The following CAPN2 variants were observed in gnomAD, a reference collection of about 807,000 sequenced individuals.
CAPN2 encodes calpain-2 catalytic subunit.
CAPN2 carries 92 observed loss-of-function variants against 102.3 expected under a neutral mutation model. The observed-to-expected ratio is 0.90, with a 90% confidence interval of 0.76 to 1.07. The LOEUF (loss-of-function observed/expected upper bound fraction) is 1.07. CAPN2 is among the 50% of genes least tolerant of loss of function. CAPN2 has a pLI of 0.00. For missense variants in CAPN2, 800 were observed against 909.4 expected (o/e 0.88, Z 1.55); for synonymous variants, 340 against 355.4 (o/e 0.96, Z 0.49).
intron 1 of CAPN2, among the ~76,000 whole-genome samples, chr1:223,702,619 T>C (rs1026544609): frequency 3.3e-5 from 5 of 152,114 alleles, no homozygotes; most frequent in Non-Finnish European, 7.3e-5. Flanking sequence ...CCTCTGTATA[T>C]ACATCAAGAA....
At chr1:223,710,225 G>A (rs58110107), upstream of CAPN2, among the ~76,000 whole-genome samples, 5,331 of 152,134 alleles carry the variant, frequency 0.035, 312 homozygotes, top group African/African-American at 0.12. Flanking sequence ...GCAGTTAGCT[G>A]AGATCGTCAA....
Position 223,771,797 on chromosome 1 carries a change from A to C in CAPN2, c.1904-12A>C. 2 of 1,552,782 alleles carry C rather than the reference A, an allele frequency of 1.3e-6. No individual in the cohort carries two copies. ...TGCTTAGCAATGAGTTTGTTTGTTC[A>C]TGTAACTTCAGGTTTCAAGATGCCC... On this transcript the variant is annotated splice_polypyrimidine_tract_variant and intron_variant, in intron 18 of 20. Coordinates refer to ENST00000295006, the MANE Select transcript of CAPN2 (RefSeq NM_001748.5).
At chr1:223,761,482 C>A (rs1440193011) in intron 12 of CAPN2, 99 bp from the exon 13 acceptor site, 3 of 919,918 alleles carry the variant, frequency 3.3e-6, no homozygotes, top group Non-Finnish European at 5.2e-6. Flanking sequence ...CCACCTACCC[C>A]CTGCTGGATT....
In CAPN2 at chr1:223,764,134, G is replaced by T. The variant is rs1258891077; in HGVS notation, c.1633-16G>T. 6.2e-7 allele frequency: 1 copy of T among 1,611,058 alleles called. No homozygotes were observed. Among genetic ancestry groups the T allele is most frequent in the East Asian group, 2.2e-5 (1 of 44,876 alleles). ...CACGGGGGGCCAATAACTATGCTCT[G>T]GTTATGTGTCCACAGGATGCGGAGA... On this transcript the variant is annotated splice_polypyrimidine_tract_variant and intron_variant, in intron 14 of 20. Transcript: ENST00000295006.
intron 16 of CAPN2, among the ~76,000 whole-genome samples, chr1:223,769,614 G>C (rs1661420259): frequency 6.6e-6 from 1 of 152,156 alleles, no homozygotes; most frequent in Non-Finnish European, 1.5e-5. Flanking sequence ...AGCACCCCTA[G>C]ATCAAAACAG....
At chr1:223,735,743 C>T (rs905682032) in intron 2 of CAPN2, among the ~76,000 whole-genome samples, 2 of 151,780 alleles carry the variant, frequency 1.3e-5, no homozygotes, top group Non-Finnish European at 2.9e-5. Context: ...GCAAAGGTAC[C>T]CCCGCCCCTG....
intron 5 of CAPN2, among the ~76,000 whole-genome samples, chr1:223,747,505 A>G (rs926402456): frequency 6.6e-6 from 1 of 152,168 alleles, no homozygotes; most frequent in Non-Finnish European, 1.5e-5. Context: ...GATGTCGTAA[A>G]TGATTTTTAG....
intron 2 of CAPN2, among the ~76,000 whole-genome samples, chr1:223,721,147 C>G (rs553651652): frequency 7.2e-5 from 11 of 152,354 alleles, no homozygotes; most frequent in Admixed American, 2.0e-4. Flanking sequence ...CAGAGCTGCT[C>G]TCACCAAGAG....
chr1:223,747,993 C>T (rs775353112), intron 5 of CAPN2, among the ~76,000 whole-genome samples: 2 of 152,096 alleles, frequency 1.3e-5, no homozygotes, highest in Non-Finnish European at 2.9e-5. Context: ...AGTCCACTTC[C>T]CACTCTTAGC....
intron 9 of CAPN2, 111 bp downstream of exon 9, chr1:223,753,067 C>T (rs1231702597): frequency 2.4e-5 from 22 of 924,158 alleles, no homozygotes; most frequent in Non-Finnish European, 3.6e-5. Flanking sequence ...CAGGAGGCAG[C>T]TCCTGCTCAC....
chr1:223,771,837 A>G lies in CAPN2; in HGVS notation c.1932A>G (p.Gln644=), dbSNP rs955906924. ...TCAAGATGCCCTGTCAACTCCACCAAGTCATCGTTGCTCGGTTTGCAGATG... is the reference window on the plus strand; with the variant it reads ...TCAAGATGCCCTGTCAACTCCACCAGGTCATCGTTGCTCGGTTTGCAGATG... ...AGFKMPCQLH[Q]VIVARFADDQ... Residue 644 remains glutamine (Q), a synonymous_variant, in exon 19 of 21, where the codon CAA becomes CAG. Transcript: ENST00000295006. 7 of 1,613,814 alleles carry G rather than the reference A, an allele frequency of 4.3e-6. No individual in the cohort carries two copies. The highest frequency in any genetic ancestry group is 1.3e-5 in the African/African-American group (1 of 74,934).
At chr1:223,732,076 G>A (rs767292092) in intron 2 of CAPN2, among the ~76,000 whole-genome samples, 4 of 152,202 alleles carry the variant, frequency 2.6e-5, no homozygotes, top group Non-Finnish European at 5.9e-5. Context: ...AAGGAGATAG[G>A]TGTGGGGCAG....
chr1:223,716,110 C>G (rs1659867453), intron 1 of CAPN2, among the ~76,000 whole-genome samples: 1 of 151,338 alleles, frequency 6.6e-6, no homozygotes, highest in Non-Finnish European at 1.5e-5. Flanking sequence ...AACCCTCAGC[C>G]CCTTTTCACT....
intron 2 of CAPN2, among the ~76,000 whole-genome samples, chr1:223,728,988 A>G (rs1660264710): frequency 6.6e-6 from 1 of 152,164 alleles, no homozygotes; most frequent in African/African-American, 2.4e-5. Context: ...TTCTCTATAC[A>G]AGGTTCTTCC....
rs906320291 is a variant in CAPN2 at position 223,726,470 on chromosome 1, T to C, written c.307+8639T>C. ...ACAGGGACACAAAAACGACAAAACA[T>C]GCAACAGGTTATGTCCTTCTGGTCC... On this transcript the variant is annotated intron_variant, in intron 2 of 20. Coordinates refer to ENST00000295006, the MANE Select transcript of CAPN2 (RefSeq NM_001748.5). The surrounding 1 kb of genome is among the most constrained non-coding windows in gnomAD (Gnocchi z 4.4). Among the ~76,000 whole-genome samples the C allele has an allele frequency of 6.6e-6, 1 of 152,072 alleles. No homozygotes were observed. The highest frequency in any genetic ancestry group is 2.4e-5 in the African/African-American group (1 of 41,390).
At chr1:223,767,803 C>CATTTAA in intron 16 of CAPN2, among the ~76,000 whole-genome samples, 1 of 149,568 alleles carries the variant, frequency 6.7e-6, no homozygotes, top group South Asian at 2.1e-4. Context: ...TACAGTCCCA[C>CATTTAA]CAACAGTGTA....
intron 5 of CAPN2, 93 bp downstream of exon 5, chr1:223,747,258 A>G: frequency 1.6e-6 from 2 of 1,284,598 alleles, no homozygotes; most frequent in South Asian, 3.2e-5. Flanking sequence ...GCTCCTGTGT[A>G]CAACGTAATG....
chr1:223,752,523 G>A (rs1256003884), intron 8 of CAPN2, among the ~76,000 whole-genome samples: 1 of 152,198 alleles, frequency 6.6e-6, no homozygotes, highest in African/African-American at 2.4e-5. Flanking sequence ...CCCATATATT[G>A]TCACATTTGA....
intron 1 of CAPN2, among the ~76,000 whole-genome samples, chr1:223,706,608 CAT>C (rs1659611826): frequency 6.6e-6 from 1 of 152,184 alleles, no homozygotes; most frequent in Non-Finnish European, 1.5e-5. Context: ...TACAACACAA[CAT>C]GTCAGCTGCT....
Sources: allele counts gnomAD v4.1 joint callset (sites outside exome capture counted in the v4.1 genomes callset), GRCh38; gene constraint gnomAD v4.1.1; non-coding constraint Gnocchi (gnomAD v3.1); transcripts MANE v1.5; gene names NCBI Gene and HGNC (gene_info 2026-07-23, HGNC 2026-07-21).